The following DNAH12 variants were observed in gnomAD, a reference collection of about 807,000 sequenced individuals.
DNAH12 encodes the protein dynein axonemal heavy chain 12.
In DNAH12, 285 loss-of-function variants were observed where a neutral mutation model predicts 371.5. The observed-to-expected ratio is 0.77, with a 90% CI of 0.70 to 0.85. The LOEUF is 0.85. Ranked by LOEUF, DNAH12 falls within the 40% of genes least tolerant of loss-of-function variation. The pLI is 0.00. For synonymous variants in DNAH12, 1,200 were observed against 1,213.0 expected (o/e 0.99, Z 0.22); for missense variants, 3,611 against 3,689.4 (o/e 0.98, Z 0.55).
intron 37 of DNAH12, among the ~76,000 whole-genome samples, chr3:57,418,722 T>G (rs1242165722): frequency 6.6e-6 from 1 of 152,162 alleles, no homozygotes; most frequent in Non-Finnish European, 1.5e-5. Context: ...GGTCACAGAA[T>G]GCATTCAGGA....
intron 66 of DNAH12, among the ~76,000 whole-genome samples, chr3:57,312,251 G>T (rs1406988921): frequency 6.6e-6 from 1 of 152,174 alleles, no homozygotes; most frequent in Non-Finnish European, 1.5e-5. Flanking sequence ...CTGAGAAAGA[G>T]GGAAGGTCGT....
At chr3:57,306,800 G>T (rs1382126282) in intron 69 of DNAH12, among the ~76,000 whole-genome samples, 1 of 152,092 alleles carries the variant, frequency 6.6e-6, no homozygotes, top group East Asian at 1.9e-4. Flanking sequence ...ACCAGACAAG[G>T]CTTACAGGTT....
chr3:57,449,521 T>C (rs1028602219), intron 25 of DNAH12, among the ~76,000 whole-genome samples: 14 of 152,242 alleles, frequency 9.2e-5, no homozygotes, highest in African/African-American at 3.4e-4. Context: ...CGGTGAGAAA[T>C]CGAGCGCAGC....
chr3:57,499,004 C>G (rs1004253641), intron 11 of DNAH12, among the ~76,000 whole-genome samples: 5 of 100,908 alleles, frequency 5.0e-5, no homozygotes, highest in Non-Finnish European at 6.6e-5. Flanking sequence ...GTCTCAAAAA[C>G]AAAAACAAAA....
intron 66 of DNAH12, 127 bp from the exon 67 acceptor site, chr3:57,311,077 G>A: frequency 1.4e-6 from 1 of 723,860 alleles, no homozygotes; most frequent in South Asian, 1.9e-5. Context: ...TTCGGTAGCT[G>A]AGATTGTTAG....
chr3:57,341,668 G>A (rs2062402156), intron 60 of DNAH12, among the ~76,000 whole-genome samples: 1 of 151,666 alleles, frequency 6.6e-6, no homozygotes, highest in Non-Finnish European at 1.5e-5. Flanking sequence ...AATTAATATT[G>A]TTAAAATGAC....
At chr3:57,514,288 G>A (rs140793613) in intron 4 of DNAH12, among the ~76,000 whole-genome samples, 2 of 151,904 alleles carry the variant, frequency 1.3e-5, no homozygotes, top group African/African-American at 4.8e-5. Flanking sequence ...CAGCTACTTG[G>A]GAGGCTGAGG....
chr3:57,476,985 C>T (rs2066550574), intron 13 of DNAH12, among the ~76,000 whole-genome samples: 1 of 152,156 alleles, frequency 6.6e-6, no homozygotes, highest in Admixed American at 6.5e-5. Context: ...CAGTCTACAG[C>T]TCCCAGTGTG....
In DNAH12 at chr3:57,408,463, A is replaced by G. The variant is rs1553681986; in HGVS notation, c.6093T>C (p.Gly2031=). 1 of 1,551,354 alleles carries G rather than the reference A, an allele frequency of 6.4e-7. No homozygotes were observed. The highest frequency in any genetic ancestry group is 1.4e-5 in the African/African-American group (1 of 73,010). Residue 2031 remains glycine, a synonymous_variant, in exon 40 of 74, where the codon GGT becomes GGC. Coordinates refer to ENST00000495027, the MANE Select transcript of DNAH12 (RefSeq NM_001366028.2). The part of the protein sequence containing the change: ...IELIAAMGPP[G]GGRNPVTPRC... ...GGGGAGTAACTGGATTTCTTCCACC[A>G]CCTGGAGGGCCCATTGCAGCAATCA...
chr3:57,383,759 T>TTAA (rs1553672120), intron 49 of DNAH12, among the ~76,000 whole-genome samples: 3 of 132,576 alleles, frequency 2.3e-5, no homozygotes, highest in Admixed American at 7.7e-5. Flanking sequence ...GACCCTGTCT[T>TTAA]AAAAAAAAAA....
At chr3:57,295,072 C>T (rs2061205604) in intron 73 of DNAH12, among the ~76,000 whole-genome samples, 1 of 152,160 alleles carries the variant, frequency 6.6e-6, no homozygotes, top group African/African-American at 2.4e-5. Flanking sequence ...TTGGCCCCCA[C>T]CCCATGTGGC....
At chr3:57,423,373 C>T (rs1203348673) in intron 35 of DNAH12, among the ~76,000 whole-genome samples, 4 of 152,088 alleles carry the variant, frequency 2.6e-5, no homozygotes, top group African/African-American at 7.2e-5. Flanking sequence ...TTGTAAAAGG[C>T]GGTTCCAAAC....
chr3:57,393,443 C>T (rs969527081), intron 44 of DNAH12, among the ~76,000 whole-genome samples: 4 of 151,592 alleles, frequency 2.6e-5, no homozygotes, highest in Admixed American at 6.6e-5. Context: ...GTGGCTAACA[C>T]GGTGAAACCT....
At chr3:57,414,743 AT>A (rs2064312430) in intron 38 of DNAH12, among the ~76,000 whole-genome samples, 1 of 141,390 alleles carries the variant, frequency 7.1e-6, no homozygotes, top group Non-Finnish European at 1.6e-5. Flanking sequence ...CATTGGAAAA[AT>A]AAACCAAAAT....
intron 49 of DNAH12, among the ~76,000 whole-genome samples, chr3:57,384,339 A>G (rs943581609): frequency 5.3e-5 from 8 of 152,102 alleles, no homozygotes; most frequent in Non-Finnish European, 8.8e-5. Context: ...TAAATAATAT[A>G]TAAAAAGCAA....
At chr3:57,445,756 A>C (rs2065471270) in intron 27 of DNAH12, among the ~76,000 whole-genome samples, 1 of 152,046 alleles carries the variant, frequency 6.6e-6, no homozygotes, top group Admixed American at 6.6e-5. Flanking sequence ...TGGGAGGCTG[A>C]GGCGGGCGAA....
At position 57,379,167 on chromosome 3, in the gene DNAH12, T is replaced by C. The variant is rs2063337798; in HGVS notation, c.8214A>G (p.Arg2738=). 2 of 152,304 alleles carry C rather than the reference T, an allele frequency of 1.3e-5. No individual in the cohort carries two copies. The highest frequency in any genetic ancestry group is 4.1e-4 in the South Asian group (2 of 4,820). The allele number at this position is 152,304 out of a possible 1,614,324, so 9.4% of individuals were successfully genotyped here. The change falls in exon 52 of 74, where the codon AGA becomes AGG. Residue 2738 remains arginine (R), a synonymous_variant. Coordinates refer to ENST00000495027, the MANE Select transcript of DNAH12 (RefSeq NM_001366028.2). ...CTAATGTTGAAAGTACCTTTGCAAC[T>C]CTGTCGTACACTTCCATGGCCATGA... ...KWIMAMEVYD[R]VAKVVAPKKA...
intron 36 of DNAH12, among the ~76,000 whole-genome samples, chr3:57,419,986 A>G (rs1183471864): frequency 6.6e-6 from 1 of 152,216 alleles, no homozygotes; most frequent in Non-Finnish European, 1.5e-5. Flanking sequence ...CAAATGGGCA[A>G]TAATCTAACT....
intron 15 of DNAH12, 46 bp downstream of exon 15, chr3:57,471,426 G>A (rs1202639225): frequency 6.8e-7 from 1 of 1,463,834 alleles, no homozygotes; most frequent in Non-Finnish European, 9.0e-7. Flanking sequence ...TGTCCTATAT[G>A]ACTCTATGGG....
Sources: gnomAD v4.1 joint callset for allele counts (sites outside exome capture counted in the v4.1 genomes callset) on GRCh38, gnomAD v4.1.1 for gene constraint, MANE v1.5 for transcripts, NCBI Gene and HGNC (gene_info 2026-07-23, HGNC 2026-07-21) for gene names.